Variants in PIK3R3 observed in about 807,000 individuals in gnomAD.
PIK3R3 encodes phosphoinositide-3-kinase regulatory subunit 3, also known as phosphatidylinositol 3-kinase regulatory subunit gamma.
A neutral mutation model predicts 62.9 loss-of-function variants in PIK3R3; 64 were observed. The observed-to-expected ratio is 1.02, with a 90% CI of 0.83 to 1.25. PIK3R3 has a LOEUF of 1.25. PIK3R3 is among the 50% of genes most tolerant of loss of function. PIK3R3 has a pLI of 0.00. For missense variants in PIK3R3, 614 were observed against 561.6 expected (o/e 1.09, Z -0.94); for synonymous variants, 165 against 189.0 (o/e 0.87, Z 1.04).
the PIK3R3 span, among the ~76,000 whole-genome samples, chr1:46,139,303 CTT>C: frequency 2.8e-5 from 4 of 144,568 alleles, no homozygotes; most frequent in Admixed American, 6.9e-5. Flanking sequence ...CCACGTGCTT[CTT>C]TTTTTTTTTT....
rs746957356 is a variant in PIK3R3, at chr1:46,044,040, G to C, written c.1188-169C>G. Among the ~76,000 whole-genome samples the C allele has an allele frequency of 2.0e-5, 3 of 151,958 alleles. No individual in the cohort carries two copies. Among genetic ancestry groups the C allele is most frequent in the Non-Finnish European group, 4.4e-5 (3 of 68,002 alleles). ...TCCCTACAGACTTGGCCACAGATAC[G>C]GGTGTTAAAACAACCACAAATGTAA... is the stretch of plus-strand genomic sequence containing the variant. On this transcript the variant is annotated intron_variant, in intron 9 of 9. Transcript: ENST00000262741. This position sits in a 1 kb window ranked among gnomAD's most constrained non-coding sequence, Gnocchi z 4.2.
intron 1 of PIK3R3, among the ~76,000 whole-genome samples, chr1:46,105,883 T>C (rs1045622021): frequency 2.0e-5 from 3 of 152,038 alleles, no homozygotes; most frequent in Non-Finnish European, 4.4e-5. Flanking sequence ...AAACAGCTCA[T>C]AATTGAAGCC....
the PIK3R3 span, among the ~76,000 whole-genome samples, chr1:46,156,790 C>T: frequency 2.6e-5 from 4 of 152,214 alleles, no homozygotes; most frequent in Non-Finnish European, 5.9e-5. Context: ...CAGTTCCCTC[C>T]AGACCCTGGA....
At chr1:46,151,107 G>A in the PIK3R3 span, among the ~76,000 whole-genome samples, 1 of 152,032 alleles carries the variant, frequency 6.6e-6, no homozygotes, top group East Asian at 1.9e-4. Context: ...AACTGTGCTC[G>A]GCTGCTGGTA....
intron 2 of PIK3R3, 88 bp from the exon 3 acceptor site, chr1:46,077,701 A>T: frequency 1.3e-6 from 1 of 782,188 alleles, no homozygotes; most frequent in South Asian, 1.4e-5. Flanking sequence ...GTTACTACTA[A>T]GGCAGCTTCG....
chr1:46,070,907 T>C (rs1649421748), intron 3 of PIK3R3, among the ~76,000 whole-genome samples: 1 of 152,194 alleles, frequency 6.6e-6, no homozygotes, highest in Non-Finnish European at 1.5e-5. Flanking sequence ...TAAAGATTTG[T>C]TAAGTATCCA....
intron 5 of PIK3R3, among the ~76,000 whole-genome samples, chr1:46,065,519 C>A (rs905622167): frequency 2.6e-5 from 4 of 152,246 alleles, no homozygotes; most frequent in Non-Finnish European, 5.9e-5. Context: ...GCCTCCCCTA[C>A]AGCTAGCTGT....
chr1:46,042,397 TCTC>T lies in PIK3R3; in HGVS notation c.*1273_*1275del. ...TAACAGTCTAAACACTAAGCCATCT[TCTC>T]TCCCTGCAAAAGCTTCAGAAACCAC... On this transcript the variant is annotated 3_prime_UTR_variant, in exon 10 of 10. Transcript: ENST00000262741. This position sits in a 1 kb window ranked among gnomAD's most constrained non-coding sequence, Gnocchi z 4.3. The T allele has an allele frequency of 4.4e-6, 1 of 228,754 alleles. No individual in the cohort carries two copies. The highest frequency in any genetic ancestry group is 8.7e-6 in the Non-Finnish European group (1 of 115,196). The allele number at this position is 228,754 out of a possible 1,614,324, so 14.2% of individuals were successfully genotyped here.
At chr1:46,049,370 G>A (rs1184760041) in intron 7 of PIK3R3, among the ~76,000 whole-genome samples, 1 of 152,196 alleles carries the variant, frequency 6.6e-6, no homozygotes, top group Non-Finnish European at 1.5e-5. Context: ...GGATTAAGCT[G>A]GGAAGCCCCT....
intron 1 of PIK3R3, among the ~76,000 whole-genome samples, chr1:46,097,295 G>C (rs1481691328): frequency 6.6e-6 from 1 of 152,138 alleles, no homozygotes; most frequent in Non-Finnish European, 1.5e-5. Flanking sequence ...TATAATCCTA[G>C]CACTTTGGGA....
chr1:46,115,373 A>T (rs1039778753), intron 1 of PIK3R3, among the ~76,000 whole-genome samples: 1 of 152,176 alleles, frequency 6.6e-6, no homozygotes, highest in Non-Finnish European at 1.5e-5. Flanking sequence ...CCACCACATC[A>T]AGTTACACAT....
Position 46,079,277 on chromosome 1 carries a change from A to C in PIK3R3, c.215+1365T>G, listed in dbSNP as rs187501667. The stretch of plus-strand genomic sequence containing the variant: ...CCCACTAAAGCAAGTTTAACAAGAA[A>C]AAAATTTAGTAAGAAAATACAATAT... On this transcript the variant is annotated intron_variant, in intron 2 of 9. Coordinates refer to ENST00000262741, the MANE Select transcript of PIK3R3 (RefSeq NM_003629.4). Among the ~76,000 whole-genome samples the C allele has an allele frequency of 2.6e-4, 40 of 152,346 alleles. 1 individual carries two copies. The East Asian group carries it at 6.5e-3, about 25-fold the overall frequency.
chr1:46,144,021 C>T, the PIK3R3 span, among the ~76,000 whole-genome samples: 1 of 152,138 alleles, frequency 6.6e-6, no homozygotes, highest in Non-Finnish European at 1.5e-5. Context: ...CCATGATGTC[C>T]CCCTTCTCAA....
At chr1:46,135,257 A>G (rs1655887314), upstream of PIK3R3, among the ~76,000 whole-genome samples, 2 of 152,176 alleles carry the variant, frequency 1.3e-5, no homozygotes, top group African/African-American at 4.8e-5. Flanking sequence ...CTGGGTGTGG[A>G]TTAAATTCAG....
chr1:46,155,060 C>A, the PIK3R3 span, among the ~76,000 whole-genome samples: 1 of 152,190 alleles, frequency 6.6e-6, no homozygotes, highest in Non-Finnish European at 1.5e-5. Context: ...TGGCTCCTAC[C>A]TGAAATCCTT....
intron 1 of PIK3R3, among the ~76,000 whole-genome samples, chr1:46,091,138 CTTTTTTTTTTTT>C (rs148774563): frequency 7.8e-6 from 1 of 127,654 alleles, no homozygotes; most frequent in African/African-American, 2.9e-5. Flanking sequence ...AGCATTTTAA[CTTTTTTTTTTTT>C]TTTTTTTTGA....
intron 3 of PIK3R3, among the ~76,000 whole-genome samples, chr1:46,074,192 AGGCAGGAGAATGGT>A (rs1379974655): frequency 2.1e-5 from 3 of 140,608 alleles, no homozygotes; most frequent in African/African-American, 7.8e-5. Context: ...CAGCAGGCTG[AGGCAGGAGAATGGT>A]GGGAACCTGG....
chr1:46,072,208 T>C (rs1049577108), intron 3 of PIK3R3, among the ~76,000 whole-genome samples: 1 of 152,250 alleles, frequency 6.6e-6, no homozygotes, highest in African/African-American at 2.4e-5. Context: ...CATTTTCTCA[T>C]TCCCTTTGTC....
At chr1:46,136,309 G>A (rs1041379977), upstream of PIK3R3, among the ~76,000 whole-genome samples, 2 of 152,106 alleles carry the variant, frequency 1.3e-5, no homozygotes, top group Non-Finnish European at 2.9e-5. Flanking sequence ...CACTTGACTT[G>A]TAAGTAGAAG....
Sources: allele counts gnomAD v4.1 joint callset (sites outside exome capture counted in the v4.1 genomes callset), GRCh38; gene constraint gnomAD v4.1.1; non-coding constraint Gnocchi (gnomAD v3.1); transcripts MANE v1.5; gene names NCBI Gene and HGNC (gene_info 2026-07-23, HGNC 2026-07-21).